The following GRIP2 variants were observed in gnomAD, a reference collection of about 807,000 sequenced individuals.
The protein encoded by GRIP2 is glutamate receptor interacting protein 2.
A neutral mutation model predicts 108.3 loss-of-function variants in GRIP2; 58 were observed. That is an observed-to-expected ratio of 0.54 (90% confidence interval 0.43 to 0.67). The LOEUF is 0.67. Among genes scored for constraint, GRIP2 ranks in the 30% least tolerant of loss-of-function variants. GRIP2 has a pLI of 0.00. For missense variants in GRIP2, 1,278 were observed against 1,430.6 expected (o/e 0.89, Z 1.72); for synonymous variants, 586 against 598.2 (o/e 0.98, Z 0.30).
chr3:14,534,316 T>C (rs1438429233), intron 1 of GRIP2, among the ~76,000 whole-genome samples: 1 of 152,118 alleles, frequency 6.6e-6, no homozygotes, highest in African/African-American at 2.4e-5. Flanking sequence ...GCTTGAGAAG[T>C]TGAGGGGATT....
chr3:14,545,965 C>G (rs1226238746), upstream of GRIP2, among the ~76,000 whole-genome samples: 1 of 152,212 alleles, frequency 6.6e-6, no homozygotes, highest in East Asian at 1.9e-4. Context: ...GACAGACGGA[C>G]AGACAGAAGG....
In GRIP2 at chr3:14,521,928, A is replaced by T; in HGVS notation, c.567-141T>A. ...AGGAAGGGGAGGAGGGGACGGGTGA[A>T]GGGGCGCATGAGTGAGTGAAGGAAT... On this transcript the variant is annotated intron_variant, in intron 6 of 23. Coordinates refer to ENST00000621039, the MANE Select transcript of GRIP2 (RefSeq NM_001080423.4). This position sits in a 1 kb window ranked among gnomAD's most constrained non-coding sequence, Gnocchi z 5.1. 1 of 698,530 alleles carries T rather than the reference A, an allele frequency of 1.4e-6. No individual in the cohort carries two copies. The highest frequency in any genetic ancestry group is 2.2e-6 in the Non-Finnish European group (1 of 452,818). The allele number at this position is 698,530 out of a possible 1,614,324, so 43.3% of individuals were successfully genotyped here.
chr3:14,513,524 T>A lies in GRIP2; in HGVS notation c.1639+141A>T, dbSNP rs1299540976. 5 of 1,166,254 alleles carry A rather than the reference T, an allele frequency of 4.3e-6. No individual in the cohort carries two copies. The East Asian group carries it at 7.8e-5, about 18-fold the overall frequency. 72.2% of individuals were successfully genotyped at this position (1,166,254 alleles called of 1,614,324 possible). A position where few individuals can be genotyped will look rare whatever the true frequency, so the allele number is the denominator to read the frequency against. ...CCCGTGCCAAGGCTTCCCTTCCCAC[T>A]ATAAGCTGCAAAGCCCCTGGGAGAA... On this transcript the variant is annotated intron_variant, in intron 13 of 23. Coordinates refer to ENST00000621039, the MANE Select transcript of GRIP2 (RefSeq NM_001080423.4).
intron 20 of GRIP2, among the ~76,000 whole-genome samples, chr3:14,504,600 G>A (rs933657640): frequency 6.6e-6 from 1 of 152,144 alleles, no homozygotes; most frequent in Non-Finnish European, 1.5e-5. Context: ...GTGAGCCACT[G>A]CACCCTGCCA....
At chr3:14,599,286 T>G in the GRIP2 span, among the ~76,000 whole-genome samples, 1 of 152,224 alleles carries the variant, frequency 6.6e-6, no homozygotes, top group Admixed American at 6.5e-5. Context: ...CACTTCTGGC[T>G]AACATTCCAA....
At chr3:14,530,560 T>C (rs1331864461) in intron 1 of GRIP2, among the ~76,000 whole-genome samples, 1 of 152,208 alleles carries the variant, frequency 6.6e-6, no homozygotes, top group African/African-American at 2.4e-5. Flanking sequence ...TGTACTTGTA[T>C]GAGAAAAAGT....
chr3:14,493,877 G>A lies in GRIP2; in HGVS notation c.2971-51C>T, dbSNP rs569543474. The A allele has an allele frequency of 3.1e-5, 48 of 1,567,278 alleles. No individual in the cohort carries two copies. The South Asian group carries it at 4.1e-4, about 13-fold the overall frequency. Reference sequence around the variant, plus strand: ...AGAACCGAGATGTCAGCCCTGCTGCGCTGAAGGGAGCAAGAGGCATGTGAT... The same window carrying A: ...AGAACCGAGATGTCAGCCCTGCTGCACTGAAGGGAGCAAGAGGCATGTGAT... On this transcript the variant is annotated intron_variant, in intron 23 of 23. Transcript: ENST00000621039.
upstream of GRIP2, among the ~76,000 whole-genome samples, chr3:14,542,453 A>G (rs1694992413): frequency 6.7e-6 from 1 of 150,216 alleles, no homozygotes; most frequent in Non-Finnish European, 1.5e-5. Flanking sequence ...GAAGATTGGC[A>G]ATTGGAAGCC....
chr3:14,491,274 C>T lies in GRIP2; in HGVS notation c.*2391G>A, dbSNP rs1283871958. ...ACTTAGACGAGGGCCCCAAACAGAC[C>T]ATAAGCGGCCTTTGCAATACAGCCC... On this transcript the variant is annotated 3_prime_UTR_variant, in exon 24 of 24. Coordinates refer to ENST00000621039, the MANE Select transcript of GRIP2 (RefSeq NM_001080423.4). The T allele has an allele frequency of 6.6e-6, 1 of 152,224 alleles. No homozygotes were observed. Among genetic ancestry groups the T allele is most frequent in the Non-Finnish European group, 1.5e-5 (1 of 68,046 alleles). 9.4% of individuals were successfully genotyped at this position (152,224 alleles called of 1,614,324 possible). A position where few individuals can be genotyped will look rare whatever the true frequency, so the allele number is the denominator to read the frequency against.
At chr3:14,570,318 C>A in the GRIP2 span, among the ~76,000 whole-genome samples, 25 of 152,304 alleles carry the variant, frequency 1.6e-4, no homozygotes, top group Admixed American at 1.1e-3. Context: ...AGACAGCCCA[C>A]CTGGGATGGC....
intron 16 of GRIP2, among the ~76,000 whole-genome samples, chr3:14,510,697 G>A (rs1249770247): frequency 6.6e-6 from 1 of 152,204 alleles, no homozygotes; most frequent in Non-Finnish European, 1.5e-5. Flanking sequence ...AGTTGGCGCA[G>A]TCCTCACCCG....
chr3:14,571,945 C>T, the GRIP2 span, among the ~76,000 whole-genome samples: 25,544 of 152,118 alleles, frequency 0.17, 2,380 homozygotes, highest in African/African-American at 0.23. Context: ...AACTCTCAGA[C>T]GCTGCTGGTG....
At position 14,505,743 on chromosome 3, in the gene GRIP2, C is replaced by T. The variant is rs183031950; in HGVS notation, c.2445G>A (p.Glu815=). 6.3e-7 allele frequency: 1 copy of T among 1,581,916 alleles called. No individual in the cohort carries two copies. Among genetic ancestry groups the T allele is most frequent in the Non-Finnish European group, 8.6e-7 (1 of 1,163,938 alleles). Residue 815 remains glutamate, a synonymous_variant, in exon 20 of 24, where the codon GAG becomes GAA. Coordinates refer to ENST00000621039, the MANE Select transcript of GRIP2 (RefSeq NM_001080423.4). The surrounding 1 kb of genome is among the most constrained non-coding windows in gnomAD (Gnocchi z 4.2). ...QAAARGTTPQ[E]RRPGWLRGSP... The stretch of plus-strand genomic sequence containing the variant: ...TGCCCCTCAGCCAGCCAGGCCTCCG[C>T]TCCTGGGGGGTCGTGCCCCGGGCTG...
At chr3:14,600,913 G>A in the GRIP2 span, among the ~76,000 whole-genome samples, 1 of 152,184 alleles carries the variant, frequency 6.6e-6, no homozygotes, top group South Asian at 2.1e-4. Flanking sequence ...CTTCTCTCAA[G>A]AGATGTGTTC....
At chr3:14,495,151 G>A (rs954749833) in intron 22 of GRIP2, among the ~76,000 whole-genome samples, 162 bp from the exon 23 acceptor site, 4 of 73,126 alleles carry the variant, frequency 5.5e-5, no homozygotes, top group Non-Finnish European at 7.8e-5. Context: ...AGCCACCCCC[G>A]CCACCCCGCT....
the GRIP2 span, among the ~76,000 whole-genome samples, chr3:14,598,995 ACT>A: frequency 6.7e-6 from 1 of 150,164 alleles, no homozygotes; most frequent in East Asian, 2.0e-4. Flanking sequence ...CTCCCGCGGG[ACT>A]CTCTTCTACA....
chr3:14,562,347 G>T, the GRIP2 span, among the ~76,000 whole-genome samples: 1 of 152,162 alleles, frequency 6.6e-6, no homozygotes, highest in Non-Finnish European at 1.5e-5. Context: ...GCCAGCTGGA[G>T]GGGTCTCCCA....
chr3:14,542,687 A>C (rs1410897160), upstream of GRIP2, among the ~76,000 whole-genome samples: 1 of 152,318 alleles, frequency 6.6e-6, no homozygotes, highest in Admixed American at 6.5e-5. Context: ...CATGCTATGC[A>C]ATGTAGGCAG....
At chr3:14,596,833 CA>C in the GRIP2 span, among the ~76,000 whole-genome samples, 2 of 152,052 alleles carry the variant, frequency 1.3e-5, no homozygotes, top group African/African-American at 4.8e-5. Context: ...TTCAACCTCC[CA>C]GGCCCAAGTA....
Sources: allele counts gnomAD v4.1 joint callset (sites outside exome capture counted in the v4.1 genomes callset), GRCh38; gene constraint gnomAD v4.1.1; non-coding constraint Gnocchi (gnomAD v3.1); transcripts MANE v1.5; gene names NCBI Gene and HGNC (gene_info 2026-07-23, HGNC 2026-07-21).